Variants in DDC observed in about 807,000 individuals in gnomAD.
DDC encodes the protein dopa decarboxylase, also known as aromatic-L-amino-acid decarboxylase.
DDC carries 43 observed loss-of-function variants against 60.0 expected under a neutral mutation model. The ratio of observed to expected loss-of-function variants is 0.72; its 90% CI spans 0.56 to 0.92. DDC has a LOEUF of 0.92. Among genes scored for constraint, DDC ranks in the 40% least tolerant of loss-of-function variants. The pLI is 0.00. For missense variants in DDC, 573 were observed against 620.2 expected (o/e 0.92, Z 0.81); for synonymous variants, 232 against 234.6 (o/e 0.99, Z 0.10).
chr7:50,486,019 G>A (rs964301974), intron 9 of DDC, among the ~76,000 whole-genome samples: 4 of 152,224 alleles, frequency 2.6e-5, no homozygotes, highest in Non-Finnish European at 5.9e-5. Flanking sequence ...TCTAGAGGAA[G>A]GGATGCTGTG....
At chr7:50,470,570 C>G (rs2042508322) in intron 11 of DDC, among the ~76,000 whole-genome samples, 2 of 152,196 alleles carry the variant, frequency 1.3e-5, no homozygotes, top group South Asian at 4.1e-4. Flanking sequence ...TCATTGATGT[C>G]CTTGCCTACG....
Position 50,529,269 on chromosome 7 carries a change from G to C in DDC, c.509C>G (p.Ala170Gly). The change falls in exon 5 of 15, where the codon GCG becomes GGG. Residue 170 changes from alanine (A) to glycine (G), a missense_variant. Coordinates refer to ENST00000444124, the MANE Select transcript of DDC (RefSeq NM_001082971.2). ...AGCGGCCTGTGTGAGCTCTGGGGAC[G>C]CTGCCTGCAGCCGATGGATCACTTT... ...RTKVIHRLQAASPELTQAAIM... is the reference protein window; with the variant it reads ...RTKVIHRLQAGSPELTQAAIM... 1 of 1,613,982 alleles carries C rather than the reference G, an allele frequency of 6.2e-7. No individual in the cohort carries two copies. The highest frequency in any genetic ancestry group is 8.5e-7 in the Non-Finnish European group (1 of 1,180,054).
chr7:50,520,362 A>G (rs1292810104), intron 6 of DDC, among the ~76,000 whole-genome samples: 1 of 152,216 alleles, frequency 6.6e-6, no homozygotes, highest in Non-Finnish European at 1.5e-5. Flanking sequence ...ATTAGAAATC[A>G]ATAATAAAAA....
At chr7:50,519,046 G>A (rs192324629) in intron 6 of DDC, among the ~76,000 whole-genome samples, 7 of 152,018 alleles carry the variant, frequency 4.6e-5, no homozygotes, top group African/African-American at 7.2e-5. Flanking sequence ...TCAGTAACAC[G>A]ATAAACAAAC....
intron 1 of DDC, among the ~76,000 whole-genome samples, chr7:50,546,069 C>G (rs933291999): frequency 1.3e-5 from 2 of 152,236 alleles, no homozygotes; most frequent in East Asian, 3.9e-4. Context: ...GGCTCCAGGA[C>G]AAATTTAAGA....
At chr7:50,496,918 C>G (rs954453899) in intron 8 of DDC, among the ~76,000 whole-genome samples, 1 of 152,078 alleles carries the variant, frequency 6.6e-6, no homozygotes, top group Admixed American at 6.6e-5. Context: ...CTCTGGAGAC[C>G]CAGGTTCATT....
intron 11 of DDC, among the ~76,000 whole-genome samples, chr7:50,475,791 A>G (rs950442780): frequency 1.3e-4 from 20 of 151,752 alleles, no homozygotes; most frequent in South Asian, 4.2e-4. Flanking sequence ...CCAGGTTCCA[A>G]TGATTCTCCT....
intron 6 of DDC, among the ~76,000 whole-genome samples, chr7:50,510,911 G>A (rs905812711): frequency 4.7e-5 from 7 of 149,106 alleles, no homozygotes; most frequent in African/African-American, 1.7e-4. Context: ...AACCTGGGAG[G>A]TGGAGTTTGC....
chr7:50,553,573 G>A lies in DDC; in HGVS notation c.-28-9460C>T, dbSNP rs768877276. Among the ~76,000 whole-genome samples, 5 of 133,414 alleles carry A rather than the reference G, an allele frequency of 3.7e-5. 1 individual carries two copies. The highest frequency in any genetic ancestry group is 5.6e-5 in the African/African-American group (2 of 35,620). The allele number at this position is 133,414 out of a possible 152,430, so 87.5% of individuals were successfully genotyped here. A position where few individuals can be genotyped will look rare whatever the true frequency, so the allele number is the denominator to read the frequency against. On this transcript the variant is annotated intron_variant, in intron 1 of 14. Transcript: ENST00000444124. ...ACGATCTTGGCTCACTGCAACCTCCGCCTCCCAGGTTCAAGCGATTCTCCT... is the reference window on the plus strand; with the variant it reads ...ACGATCTTGGCTCACTGCAACCTCCACCTCCCAGGTTCAAGCGATTCTCCT...
intron 1 of DDC, among the ~76,000 whole-genome samples, chr7:50,549,064 T>A (rs1435385958): frequency 6.6e-6 from 1 of 152,250 alleles, no homozygotes; most frequent in African/African-American, 2.4e-5. Context: ...ATTTGAAGAC[T>A]ATTGTTGAGA....
At chr7:50,542,105 G>A (rs908272415) in intron 2 of DDC, 4 of 152,118 alleles carry the variant, frequency 2.6e-5, no homozygotes, top group Non-Finnish European at 4.4e-5. Context: ...GACACTGTTA[G>A]GGGCTGAAAA....
intron 1 of DDC, among the ~76,000 whole-genome samples, chr7:50,547,849 T>C (rs911656723): frequency 6.6e-6 from 1 of 152,232 alleles, no homozygotes; most frequent in African/African-American, 2.4e-5. Flanking sequence ...ACAATAATAG[T>C]ATAGGTACAC....
At chr7:50,529,609 T>C (rs533302544) in intron 4 of DDC, among the ~76,000 whole-genome samples, 11 of 152,258 alleles carry the variant, frequency 7.2e-5, no homozygotes, top group Middle Eastern at 3.4e-3. Flanking sequence ...CTGCGCCAGG[T>C]ATTGTGAGAG....
intron 2 of DDC, among the ~76,000 whole-genome samples, chr7:50,541,592 C>T (rs547847194): frequency 2.6e-5 from 4 of 152,284 alleles, no homozygotes; most frequent in African/African-American, 4.8e-5. Flanking sequence ...CTCTTGGTTA[C>T]GTGAGTACAC....
chr7:50,476,521 T>C (rs2042647200), intron 11 of DDC, 103 bp downstream of exon 11: 1 of 1,105,784 alleles, frequency 9.0e-7, no homozygotes, highest in African/African-American at 1.5e-5. Flanking sequence ...TGCCCACCAG[T>C]GCGTGCTGAT....
At chr7:50,562,363 G>C (rs1482249185) in intron 1 of DDC, among the ~76,000 whole-genome samples, 1 of 152,238 alleles carries the variant, frequency 6.6e-6, no homozygotes, top group Non-Finnish European at 1.5e-5. Context: ...TCTGCACAGA[G>C]GGCAAGATGG....
chr7:50,506,247 A>G (rs1489133351), intron 6 of DDC, among the ~76,000 whole-genome samples: 1 of 152,172 alleles, frequency 6.6e-6, no homozygotes, highest in African/African-American at 2.4e-5. Flanking sequence ...AGAGCCCCAC[A>G]GAGGAGATGC....
intron 4 of DDC, among the ~76,000 whole-genome samples, chr7:50,534,931 C>T (rs1296918761): frequency 1.3e-5 from 2 of 152,164 alleles, no homozygotes; most frequent in African/African-American, 2.4e-5. Context: ...GCAGTAGCTC[C>T]CTCCCCTCGC....
chr7:50,493,637 A>C (rs2043058219), intron 9 of DDC, among the ~76,000 whole-genome samples: 1 of 152,218 alleles, frequency 6.6e-6, no homozygotes, highest in Non-Finnish European at 1.5e-5. Flanking sequence ...AGAATACAAA[A>C]GAATACTCAC....
Sources: gnomAD v4.1 joint callset for allele counts (sites outside exome capture counted in the v4.1 genomes callset) on GRCh38, gnomAD v4.1.1 for gene constraint, MANE v1.5 for transcripts, NCBI Gene and HGNC (gene_info 2026-07-23, HGNC 2026-07-21) for gene names.